ZNF493: variants seen among roughly 807,000 people sequenced by gnomAD.
The protein encoded by ZNF493 is zinc finger protein 493.
ZNF493 carries 11 observed loss-of-function variants against 12.2 expected under a neutral mutation model. That is an observed-to-expected ratio of 0.90 (90% CI 0.57 to 1.50). The LOEUF (loss-of-function observed/expected upper bound fraction) is 1.50, where lower values mean the gene tolerates loss of function less well. Ranked by LOEUF, ZNF493 falls within the 40% of genes most tolerant of loss-of-function variation. The probability of loss-of-function intolerance (pLI) is 0.00; values close to 1 mark genes in which losing one functional copy is unlikely to be tolerated. For synonymous variants in ZNF493, 286 were observed against 302.6 expected (o/e 0.95, Z 0.57); for missense variants, 950 against 906.6 (o/e 1.05, Z -0.61).
intron 3 of ZNF493, chr19:21,412,956 C>T (rs1396660893): frequency 9.5e-6 from 4 of 419,162 alleles, no homozygotes; most frequent in African/African-American, 6.3e-5. Flanking sequence ...TGCCATGGTT[C>T]CAGATAATAG....
At chr19:21,422,272 G>T (rs2030700607) in intron 3 of ZNF493, among the ~76,000 whole-genome samples, 2 of 151,892 alleles carry the variant, frequency 1.3e-5, no homozygotes, top group Non-Finnish European at 2.9e-5. Context: ...TCATTCCAAA[G>T]TATACCACCA....
chr19:21,415,180 G>T (rs1406877523), intron 3 of ZNF493, among the ~76,000 whole-genome samples: 1 of 152,110 alleles, frequency 6.6e-6, no homozygotes, highest in African/African-American at 2.4e-5. Flanking sequence ...ATGCTGAGTT[G>T]AAAAAATTAG....
At position 21,423,552 on chromosome 19, in the gene ZNF493, A is replaced by T; in HGVS notation, c.893A>T (p.Tyr298Phe). 1 of 1,613,630 alleles carries T rather than the reference A, an allele frequency of 6.2e-7. No individual in the cohort carries two copies. The highest frequency in any genetic ancestry group is 8.5e-7 in the Non-Finnish European group (1 of 1,179,786). The stretch of plus-strand genomic sequence containing the variant: ...GAGAAACCCTATAAATGTGAACAAT[A>T]TGGCAAAACTTTTAACCAATCTTCA... ...TREKPYKCEQ[Y>F]GKTFNQSSTL... Residue 298 changes from tyrosine to phenylalanine, a missense_variant, in exon 4 of 4, where the codon TAT becomes TTT. Tyr to Phe is a conservative substitution (Grantham distance 22, BLOSUM62 3). Coordinates refer to ENST00000392288, the MANE Select transcript of ZNF493 (RefSeq NM_001076678.3).
rs529688039 is a variant in ZNF493, at chr19:21,409,941, C to T, written c.253+4085C>T. Among the ~76,000 whole-genome samples, 8 of 150,348 alleles carry T rather than the reference C, an allele frequency of 5.3e-5. No homozygotes were observed. The East Asian group carries it at 5.9e-4, about 11-fold the overall frequency. The stretch of plus-strand genomic sequence containing the variant: ...AGTGTGACTACTTAAGATATATAAG[C>T]GGAATCATACAGTATTCATCATTTT... On this transcript the variant is annotated intron_variant, in intron 3 of 3. Coordinates refer to ENST00000392288, the MANE Select transcript of ZNF493 (RefSeq NM_001076678.3).
intron 1 of ZNF493, chr19:21,398,792 GT>G: frequency 5.5e-6 from 1 of 181,662 alleles, no homozygotes; most frequent in Non-Finnish European, 1.1e-5. Context: ...TCAGATGCTG[GT>G]AATGAGGGGA....
At chr19:21,405,986 C>A in intron 3 of ZNF493, 130 bp downstream of exon 3, 1 of 583,986 alleles carries the variant, frequency 1.7e-6, no homozygotes, top group South Asian at 3.4e-5. Flanking sequence ...TTTGGGAGGC[C>A]AAGGCAGGTG....
intron 3 of ZNF493, among the ~76,000 whole-genome samples, chr19:21,418,459 T>G (rs2030558871): frequency 6.6e-6 from 1 of 152,184 alleles, no homozygotes; most frequent in Non-Finnish European, 1.5e-5. Flanking sequence ...GTCCTCCGGC[T>G]TAGTTCTACA....
intron 3 of ZNF493, among the ~76,000 whole-genome samples, chr19:21,416,635 T>C (rs2030503099): frequency 6.6e-6 from 1 of 152,208 alleles, no homozygotes; most frequent in African/African-American, 2.4e-5. Flanking sequence ...AGTGATTTGA[T>C]TTACCCAATA....
chr19:21,426,223 G>T lies in ZNF493; in HGVS notation c.*1239G>T, dbSNP rs2030852913. ...AATGTAACAAAGTATTTAAATGGTT[G>T]TCACACTTGATTATAGGTAATATTC... On this transcript the variant is annotated 3_prime_UTR_variant, in exon 4 of 4. Coordinates refer to ENST00000392288, the MANE Select transcript of ZNF493 (RefSeq NM_001076678.3). 1 of 206,756 alleles carries T rather than the reference G, an allele frequency of 4.8e-6. No individual in the cohort carries two copies. The highest frequency in any genetic ancestry group is 5.4e-5 in the Admixed American group (1 of 18,588). The allele number at this position is 206,756 out of a possible 1,614,324, so 12.8% of individuals were successfully genotyped here. A position where few individuals can be genotyped will look rare whatever the true frequency, so the allele number is the denominator to read the frequency against.
intron 3 of ZNF493, 120 bp from the exon 4 acceptor site, chr19:21,422,792 CT>C (rs1404815481): frequency 1.2e-6 from 1 of 820,630 alleles, no homozygotes; most frequent in African/African-American, 1.8e-5. Context: ...GAATTAGAGC[CT>C]TTGGTATTTT....
Position 21,423,908 on chromosome 19 carries a change from T to G in ZNF493, c.1249T>G (p.Ser417Ala). The G allele has an allele frequency of 1.2e-6, 2 of 1,612,798 alleles. No individual in the cohort carries two copies. Among genetic ancestry groups the G allele is most frequent in the Non-Finnish European group, 1.7e-6 (2 of 1,179,424 alleles). ...CEECGKAYKE[S>A]SHLTTHKRIH... ...AGAATGTGGCAAAGCTTATAAGGAG[T>G]CTTCACACCTTACTACACATAAAAG... The change falls in exon 4 of 4, where the codon TCT becomes GCT. Residue 417 changes from serine (S) to alanine (A), a missense_variant. Physicochemically the swap from Ser to Ala is moderately conservative, Grantham distance 99 (BLOSUM62 1). Transcript: ENST00000392288.
chr19:21,416,248 T>G (rs1242631147), intron 3 of ZNF493, among the ~76,000 whole-genome samples: 1 of 152,184 alleles, frequency 6.6e-6, no homozygotes, highest in Non-Finnish European at 1.5e-5. Context: ...CTTGCACATT[T>G]TTTTTCTAGT....
Position 21,423,908 on chromosome 19 carries a change from T to C in ZNF493, c.1249T>C (p.Ser417Pro), listed in dbSNP as rs189061631. Reference protein sequence around the residue: ...CEECGKAYKESSHLTTHKRIH... With the variant: ...CEECGKAYKEPSHLTTHKRIH... ...AGAATGTGGCAAAGCTTATAAGGAG[T>C]CTTCACACCTTACTACACATAAAAG... The change falls in exon 4 of 4, where the codon TCT becomes CCT. Residue 417 changes from serine to proline, a missense_variant. Ser to Pro is a moderately conservative substitution (Grantham distance 74). Coordinates refer to ENST00000392288, the MANE Select transcript of ZNF493 (RefSeq NM_001076678.3). 26 of 1,612,798 alleles carry C rather than the reference T, an allele frequency of 1.6e-5. No homozygotes were observed. The East Asian group carries it at 5.1e-4, about 32-fold the overall frequency.
In ZNF493 at chr19:21,424,407, G is replaced by T; in HGVS notation, c.1748G>T (p.Ser583Ile). Residue 583 changes from serine (S) to isoleucine (I), a missense_variant, in exon 4 of 4, where the codon AGT becomes ATT. By Grantham distance (142) the Ser-to-Ile change is moderately radical (BLOSUM62 -2). Transcript: ENST00000392288. ...YKCKECGKSF[S>I]VFSTLTKHKI... ...TGTAAAGAATGTGGCAAATCCTTTA[G>T]TGTATTCTCAACCCTTACTAAACAC... 1.9e-6 allele frequency: 3 copies of T among 1,608,718 alleles called. No homozygotes were observed. Among genetic ancestry groups the T allele is most frequent in the Non-Finnish European group, 2.5e-6 (3 of 1,178,476 alleles).
intron 3 of ZNF493, among the ~76,000 whole-genome samples, chr19:21,422,616 TTA>T (rs1038597634): frequency 1.3e-5 from 2 of 151,900 alleles, no homozygotes; most frequent in African/African-American, 4.8e-5. Flanking sequence ...TCTAAAGGCA[TTA>T]TGTTATATTG....
intron 1 of ZNF493, chr19:21,397,690 T>C: frequency 2.4e-6 from 1 of 412,148 alleles, no homozygotes; most frequent in Non-Finnish European, 4.3e-6. Context: ...GCAAAAATAT[T>C]AAAGAATGTA....
rs200905381 is a variant in ZNF493, at chr19:21,405,196, C to T, written c.98C>T (p.Ala33Val). Residue 33 changes from alanine to valine, a missense_variant, in exon 2 of 4, where the codon GCT (alanine) becomes GTT (valine). Ala to Val is a moderately conservative substitution (Grantham distance 64). Transcript: ENST00000392288. ...SLEEWQCLDT[A>V]QQDLYRKVML... ...GAGGAGTGGCAATGCCTGGACACTG[C>T]TCAGCAGGATTTGTATAGGAAAGTG... is the stretch of plus-strand genomic sequence containing the variant. 6.2e-7 allele frequency: 1 copy of T among 1,614,002 alleles called. No homozygotes were observed. The highest frequency in any genetic ancestry group is 2.2e-5 in the East Asian group (1 of 44,874).
chr19:21,401,999 G>C (rs977891940), intron 1 of ZNF493, among the ~76,000 whole-genome samples: 1 of 145,270 alleles, frequency 6.9e-6, no homozygotes, highest in Non-Finnish European at 1.5e-5. Context: ...ATGGAGTCTC[G>C]CTCTGTCACC....
chr19:21,398,089 T>G (rs749934213), intron 1 of ZNF493: 1 of 152,484 alleles, frequency 6.6e-6, no homozygotes, highest in Admixed American at 6.5e-5. Context: ...TTTTCACCTG[T>G]GTCCCAAGCA....
Sources: allele counts gnomAD v4.1 joint callset (sites outside exome capture counted in the v4.1 genomes callset), GRCh38; gene constraint gnomAD v4.1.1; transcripts MANE v1.5; gene names NCBI Gene and HGNC (gene_info 2026-07-23, HGNC 2026-07-21).